Variants in CTSC observed in about 807,000 individuals in gnomAD.
CTSC encodes cathepsin C.
In CTSC, 37 loss-of-function variants were observed where a neutral mutation model predicts 40.9. The ratio of observed to expected loss-of-function variants is 0.91; its 90% confidence interval spans 0.70 to 1.19. The LOEUF (loss-of-function observed/expected upper bound fraction) is 1.19, where lower values mean the gene tolerates loss of function less well. CTSC is among the 50% of genes most tolerant of loss of function. CTSC has a pLI of 0.00. For synonymous variants in CTSC, 232 were observed against 207.4 expected (o/e 1.12, Z -1.02); for missense variants, 594 against 567.3 (o/e 1.05, Z -0.48).
chr11:88,295,015 G>A (rs1944282586), intron 6 of CTSC, among the ~76,000 whole-genome samples: 1 of 152,120 alleles, frequency 6.6e-6, no homozygotes, highest in African/African-American at 2.4e-5. Flanking sequence ...TCCTCATGCA[G>A]TCCTGGCCCT....
chr11:88,312,770 A>C (rs890041122), intron 2 of CTSC, among the ~76,000 whole-genome samples: 1 of 152,208 alleles, frequency 6.6e-6, no homozygotes, highest in African/African-American at 2.4e-5. Flanking sequence ...ATAACAAAAC[A>C]CTTCCAGGAA....
At chr11:88,337,472 C>A in intron 1 of CTSC, 29 bp downstream of exon 1, 1 of 1,556,618 alleles carries the variant, frequency 6.4e-7, no homozygotes, top group South Asian at 1.2e-5. Context: ...GAAAGGACGA[C>A]CCGGAGGACT....
rs757616970 is a variant in CTSC at position 88,335,000 on chromosome 11, G to A, written c.255C>T (p.Thr85=). The part of the protein sequence containing the change: ...YDDLGNSGHF[T]IIYNQGFEIV... ...TCTCAAAGCCTTGGTTGTAAATGAT[G>A]GTGAAATGGCCAGAATTGCCAAGGT... Residue 85 remains threonine, a synonymous_variant, in exon 2 of 7, where the codon ACC becomes ACT. Coordinates refer to ENST00000227266, the MANE Select transcript of CTSC (RefSeq NM_001814.6). The A allele has an allele frequency of 3.7e-6, 6 of 1,610,098 alleles. No homozygotes were observed. The highest frequency in any genetic ancestry group is 1.3e-5 in the African/African-American group (1 of 74,820).
intron 3 of CTSC, among the ~76,000 whole-genome samples, 177 bp from the exon 4 acceptor site, chr11:88,309,495 G>T (rs1315683140): frequency 2.6e-5 from 4 of 152,078 alleles, no homozygotes; most frequent in African/African-American, 9.7e-5. Flanking sequence ...AAAAATAAAA[G>T]TTCAAGTTAA....
At chr11:88,309,358 C>T (rs1017537311) in intron 3 of CTSC, 40 bp from the exon 4 acceptor site, 4 of 1,535,632 alleles carry the variant, frequency 2.6e-6, no homozygotes, top group Non-Finnish European at 3.6e-6. Context: ...ATAGTCTTTA[C>T]TGATGTAAAT....
At position 88,337,663 on chromosome 11, in the gene CTSC, C is replaced by A. The variant is rs866247958; in HGVS notation, c.10G>T (p.Gly4Trp). The A allele has an allele frequency of 2.5e-6, 4 of 1,577,494 alleles. No homozygotes were observed. Among genetic ancestry groups the A allele is most frequent in the Non-Finnish European group, 3.4e-6 (4 of 1,161,162 alleles). Residue 4 changes from glycine to tryptophan, a missense_variant, in exon 1 of 7, where the codon GGG becomes TGG. Coordinates refer to ENST00000227266, the MANE Select transcript of CTSC (RefSeq NM_001814.6). MGA[G>W]PSLLLAALLL... ...AGGGCGGCGAGCAGCAAGGAGGGCC[C>A]AGCACCCATGCTGCAGGGAGCTGAG...
chr11:88,306,769 T>A (rs750649279), intron 4 of CTSC, among the ~76,000 whole-genome samples: 2 of 152,226 alleles, frequency 1.3e-5, no homozygotes, highest in East Asian at 3.9e-4. Flanking sequence ...GGCTGTCACA[T>A]TGGACCCCTG....
intron 3 of CTSC, among the ~76,000 whole-genome samples, chr11:88,311,938 A>G (rs1315548475): frequency 6.6e-6 from 1 of 152,200 alleles, no homozygotes; most frequent in African/African-American, 2.4e-5. Context: ...AGTCTGTGGT[A>G]CTTTGTTATG....
chr11:88,336,574 T>C (rs1020316518), intron 1 of CTSC, among the ~76,000 whole-genome samples: 10 of 151,514 alleles, frequency 6.6e-5, no homozygotes, highest in African/African-American at 2.2e-4. Context: ...ATGTTCAGGA[T>C]TATGAAATGC....
rs1347765413 is a variant in CTSC at position 88,309,192 on chromosome 11, TCTC to T, written c.609_611del (p.Arg204del). 4 of 1,614,034 alleles carry T rather than the reference TCTC, an allele frequency of 2.5e-6. No homozygotes were observed. Among genetic ancestry groups the T allele is most frequent in the South Asian group, 1.1e-5 (1 of 91,076 alleles). ...GGATTTTTCGACTGTGGCCACCACT[TCTC>T]CTAATCATATCTCCCAGGGTAAGAG... On this transcript the variant is annotated inframe_deletion, in exon 4 of 7. Coordinates refer to ENST00000227266, the MANE Select transcript of CTSC (RefSeq NM_001814.6).
intron 2 of CTSC, chr11:88,323,814 A>G (rs1426278786): frequency 2.0e-5 from 3 of 152,230 alleles, no homozygotes; most frequent in African/African-American, 4.8e-5. Context: ...GGAAGAATCA[A>G]TATCATGAAA....
At chr11:88,327,541 G>T (rs1938226192) in intron 2 of CTSC, among the ~76,000 whole-genome samples, 1 of 152,178 alleles carries the variant, frequency 6.6e-6, no homozygotes. Context: ...AATGTGAAGA[G>T]AATGTAAAGA....
At chr11:88,296,292 C>T in intron 5 of CTSC, 28 bp from the exon 6 acceptor site, 1 of 1,612,224 alleles carries the variant, frequency 6.2e-7, no homozygotes, top group African/African-American at 1.3e-5. Flanking sequence ...ACACATAATC[C>T]AAGAGACATC....
chr11:88,295,949 G>T (rs1944293734), intron 6 of CTSC, among the ~76,000 whole-genome samples, 184 bp downstream of exon 6: 1 of 152,174 alleles, frequency 6.6e-6, no homozygotes, highest in African/African-American at 2.4e-5. Context: ...ACATTTTGCT[G>T]GATGGTACAG....
intron 4 of CTSC, among the ~76,000 whole-genome samples, chr11:88,302,455 C>A (rs1346632050): frequency 6.6e-6 from 1 of 151,814 alleles, no homozygotes; most frequent in Non-Finnish European, 1.5e-5. Context: ...AACCCCGTCC[C>A]TACTAAAAAT....
At chr11:88,301,783 C>A (rs1355575888) in intron 4 of CTSC, among the ~76,000 whole-genome samples, 1 of 141,228 alleles carries the variant, frequency 7.1e-6, no homozygotes, top group Non-Finnish European at 1.5e-5. Context: ...CATACATACA[C>A]ATGCACACAC....
intron 2 of CTSC, among the ~76,000 whole-genome samples, chr11:88,330,529 A>G (rs1249166284): frequency 6.6e-6 from 1 of 151,958 alleles, no homozygotes. Flanking sequence ...TTGTATTTTT[A>G]GTAGAGACGG....
At chr11:88,326,298 TC>T (rs993758054) in intron 2 of CTSC, 65 of 1,611,356 alleles carry the variant, frequency 4.0e-5, no homozygotes, top group Non-Finnish European at 3.5e-5. Context: ...AAATAAAGAC[TC>T]CAGAAGGGAC....
intron 2 of CTSC, among the ~76,000 whole-genome samples, chr11:88,332,205 T>C (rs1938380142): frequency 6.6e-6 from 1 of 152,200 alleles, no homozygotes; most frequent in Non-Finnish European, 1.5e-5. Context: ...TATGTTTTCG[T>C]TTATGTAAGA....
Sources: allele counts gnomAD v4.1 joint callset (sites outside exome capture counted in the v4.1 genomes callset), GRCh38; gene constraint gnomAD v4.1.1; transcripts MANE v1.5; gene names NCBI Gene and HGNC (gene_info 2026-07-23, HGNC 2026-07-21).